CCNK: variants seen among roughly 807,000 people sequenced by gnomAD.
CCNK encodes the protein cyclin-K.
In CCNK, 9 loss-of-function variants were observed where a neutral mutation model predicts 65.0. That is an observed-to-expected ratio of 0.14 (90% CI 0.08 to 0.24). The LOEUF is 0.24. CCNK is among the 10% of genes least tolerant of loss of function. CCNK has a pLI of 1.00. For missense variants in CCNK, 474 were observed against 720.0 expected (o/e 0.66, Z 3.91); for synonymous variants, 279 against 270.8 (o/e 1.03, Z -0.30).
intron 3 of CCNK, 80 bp downstream of exon 3, chr14:99,493,675 A>G (rs1254997548): frequency 2.7e-5 from 25 of 926,802 alleles, no homozygotes; most frequent in African/African-American, 1.2e-4. Flanking sequence ...TATAAGCTCT[A>G]TTTTTCTCAT....
At chr14:99,502,683 A>T (rs189345231) in intron 7 of CCNK, 36 bp from the exon 8 acceptor site, 2 of 1,592,250 alleles carry the variant, frequency 1.3e-6, no homozygotes, top group Admixed American at 1.7e-5. Context: ...TTAAAATACC[A>T]ATTTGTGTAA....
Position 99,501,295 on chromosome 14 carries a change from C to G in CCNK, c.518-61C>G, listed in dbSNP as rs186971252. 1.7e-5 allele frequency: 19 copies of G among 1,087,126 alleles called. No individual in the cohort carries two copies. The East Asian group carries it at 4.2e-4, about 24-fold the overall frequency. 67.3% of individuals were successfully genotyped at this position (1,087,126 alleles called of 1,614,324 possible). On this transcript the variant is annotated intron_variant, in intron 5 of 10. Coordinates refer to ENST00000389879, the MANE Select transcript of CCNK (RefSeq NM_001099402.2). The stretch of plus-strand genomic sequence containing the variant: ...ACACGTGGTAGGTTTTTAATAAATA[C>G]TTGATGCTGCCTGTGAATTTTTCTA...
At chr14:99,506,866 C>T (rs763408961) in intron 9 of CCNK, 9 of 536,000 alleles carry the variant, frequency 1.7e-5, no homozygotes, top group South Asian at 4.1e-5. Flanking sequence ...GTGGGAAGCT[C>T]GCAGGTCTTT....
rs746815273 is a variant in CCNK at position 99,510,485 on chromosome 14, G to T, written c.1446G>T (p.Pro482=). Residue 482 remains proline, a synonymous_variant, in exon 11 of 11, where the codon CCG becomes CCT. Transcript: ENST00000389879. ...ACCCCCATGTCTACCCGCCCAACCC[G>T]CCCCCGCCACCTGTGCCTCCTCCCC... is the stretch of plus-strand genomic sequence containing the variant. ...PYHPHVYPPN[P]PPPPVPPPPA... The T allele has an allele frequency of 3.2e-6, 2 of 627,038 alleles. No individual in the cohort carries two copies. Among genetic ancestry groups the T allele is most frequent in the East Asian group, 1.0e-4 (1 of 9,870 alleles). 38.8% of individuals were successfully genotyped at this position (627,038 alleles called of 1,614,324 possible). A position where few individuals can be genotyped will look rare whatever the true frequency, so the allele number is the denominator to read the frequency against.
chr14:99,483,290 T>A (rs1169620085), intron 1 of CCNK, among the ~76,000 whole-genome samples: 1 of 152,006 alleles, frequency 6.6e-6, no homozygotes, highest in Non-Finnish European at 1.5e-5. Context: ...GGCTCACGCT[T>A]ATAATACCAG....
At position 99,493,520 on chromosome 14, in the gene CCNK, T is replaced by C. The variant is rs776079318; in HGVS notation, c.204T>C (p.Tyr68=). The C allele has an allele frequency of 6.2e-7, 1 of 1,611,280 alleles. No individual in the cohort carries two copies. The highest frequency in any genetic ancestry group is 2.2e-5 in the East Asian group (1 of 44,804). Residue 68 remains tyrosine, a synonymous_variant, in exon 3 of 11, where the codon TAT becomes TAC. Coordinates refer to ENST00000389879, the MANE Select transcript of CCNK (RefSeq NM_001099402.2). ...TCCTTAACCAGAACAACAGACACTA[T>C]GATACCCTGGCAACTGGAATAATTT... ...FDVGTRLGLH[Y]DTLATGIIYF...
chr14:99,501,434 A>T, intron 6 of CCNK, 21 bp downstream of exon 6: 1 of 1,474,072 alleles, frequency 6.8e-7, no homozygotes, highest in Non-Finnish European at 9.5e-7. Flanking sequence ...TCAAATGTTG[A>T]TTAATTACAG....
At chr14:99,483,937 A>C (rs10144895) in intron 1 of CCNK, among the ~76,000 whole-genome samples, 148,403 of 152,296 alleles carry the variant, frequency 0.97, 72,407 homozygotes, top group East Asian at 1. Flanking sequence ...ATAATGAGCA[A>C]ATTAGATGAC....
At chr14:99,500,642 A>G in intron 4 of CCNK, 124 bp from the exon 5 acceptor site, 1 of 689,056 alleles carries the variant, frequency 1.5e-6, no homozygotes. Flanking sequence ...AGAGAAAGGA[A>G]GGAAAGGCAG....
chr14:99,497,670 C>T (rs1397192085), intron 4 of CCNK, among the ~76,000 whole-genome samples: 2 of 152,180 alleles, frequency 1.3e-5, no homozygotes, highest in African/African-American at 2.4e-5. Context: ...CAATAGTTAT[C>T]TTTTTCTCTG....
chr14:99,507,023 C>G lies in CCNK; in HGVS notation c.1046-53C>G, dbSNP rs372327731. ...CCAGTACATTTTTCTTTATGACATGCTTATTCATGTGAAGAAGTATGAGTG... is the reference window on the plus strand; with the variant it reads ...CCAGTACATTTTTCTTTATGACATGGTTATTCATGTGAAGAAGTATGAGTG... On this transcript the variant is annotated intron_variant, in intron 9 of 10. Transcript: ENST00000389879. The G allele has an allele frequency of 8.6e-6, 9 of 1,042,542 alleles. No homozygotes were observed. In the African/African-American group the frequency reaches 1.4e-4, roughly 16 times the overall value. 64.6% of individuals were successfully genotyped at this position (1,042,542 alleles called of 1,614,324 possible).
rs1896819695 is a variant in CCNK at position 99,501,312 on chromosome 14, A to G, written c.518-44A>G. ...AATAAATACTTGATGCTGCCTGTGA[A>G]TTTTTCTATTGCTATTAATTTACCT... On this transcript the variant is annotated intron_variant, in intron 5 of 10. Coordinates refer to ENST00000389879, the MANE Select transcript of CCNK (RefSeq NM_001099402.2). 4 of 1,276,454 alleles carry G rather than the reference A, an allele frequency of 3.1e-6. No individual in the cohort carries two copies. In the African/African-American group the frequency reaches 5.9e-5, roughly 19 times the overall value. 79.1% of individuals were successfully genotyped at this position (1,276,454 alleles called of 1,614,324 possible).
intron 1 of CCNK, among the ~76,000 whole-genome samples, chr14:99,489,138 T>TATA: frequency 6.6e-6 from 1 of 150,834 alleles, no homozygotes; most frequent in African/African-American, 2.4e-5. Flanking sequence ...TATATATATA[T>TATA]TTTTTTTTAA....
intron 1 of CCNK, among the ~76,000 whole-genome samples, chr14:99,489,371 A>G (rs371176329): frequency 1.3e-4 from 20 of 152,168 alleles, no homozygotes; most frequent in African/African-American, 4.8e-4. Context: ...ATGAAGTTTT[A>G]AAATTTCGTT....
At position 99,492,889 on chromosome 14, in the gene CCNK, C is replaced by T. The variant is rs764388463; in HGVS notation, c.197+15C>T. ...CGTTTGGGGCTGTATCCTGACTCTC[C>T]TTGGAATCTGTTACAGATAGGCTCC... is the stretch of plus-strand genomic sequence containing the variant. On this transcript the variant is annotated intron_variant, in intron 2 of 10. Coordinates refer to ENST00000389879, the MANE Select transcript of CCNK (RefSeq NM_001099402.2). 1.3e-6 allele frequency: 2 copies of T among 1,564,142 alleles called. No individual in the cohort carries two copies. The highest frequency in any genetic ancestry group is 4.5e-5 in the Admixed American group (2 of 44,694).
chr14:99,499,301 G>A (rs3918082), intron 4 of CCNK, among the ~76,000 whole-genome samples: 3,397 of 152,316 alleles, frequency 0.022, 125 homozygotes, highest in African/African-American at 0.077. Context: ...GCCTCCCAAA[G>A]TGCTGGGATT....
At chr14:99,502,677 A>G in intron 7 of CCNK, 42 bp from the exon 8 acceptor site, 1 of 1,584,554 alleles carries the variant, frequency 6.3e-7, no homozygotes, top group Non-Finnish European at 8.7e-7. Context: ...TTTTATTTAA[A>G]ATACCAATTT....
At chr14:99,501,124 A>G (rs1566750845) in intron 5 of CCNK, 1 of 603,018 alleles carries the variant, frequency 1.7e-6, no homozygotes, top group Non-Finnish European at 2.9e-6. Flanking sequence ...TAAATGGACT[A>G]ATAAACTTAG....
chr14:99,498,816 C>T (rs935771857), intron 4 of CCNK, among the ~76,000 whole-genome samples: 4 of 152,096 alleles, frequency 2.6e-5, no homozygotes, highest in Non-Finnish European at 4.4e-5. Flanking sequence ...TGAGGGAAGG[C>T]GTTCCTGAGG....
Sources: allele counts gnomAD v4.1 joint callset (sites outside exome capture counted in the v4.1 genomes callset), GRCh38; gene constraint gnomAD v4.1.1; transcripts MANE v1.5; gene names NCBI Gene and HGNC (gene_info 2026-07-23, HGNC 2026-07-21).